OPA1: variants seen among roughly 807,000 people sequenced by gnomAD.
OPA1 encodes the protein dynamin-like GTPase OPA1, mitochondrial.
Under a neutral mutation model 152.9 loss-of-function variants are expected in OPA1, and 59 were observed. That is an observed-to-expected ratio of 0.39 (90% confidence interval 0.31 to 0.48). The LOEUF (loss-of-function observed/expected upper bound fraction) is 0.48, where lower values mean the gene tolerates loss of function less well. OPA1 is among the 20% of genes least tolerant of loss of function. The pLI is 0.96. For missense variants in OPA1, 1,008 were observed against 1,216.8 expected, an observed-to-expected ratio of 0.83 and a Z score of 2.55; for synonymous variants, 400 against 389.9, an observed-to-expected ratio of 1.03 and a Z score of -0.31.
intron 29 of OPA1, among the ~76,000 whole-genome samples, chr3:193,677,080 G>T (rs1341898938): frequency 6.6e-6 from 1 of 150,784 alleles, no homozygotes; most frequent in African/African-American, 2.4e-5. Context: ...TATACATGCT[G>T]CTGGTAATCA....
intron 29 of OPA1, among the ~76,000 whole-genome samples, chr3:193,684,194 T>C (rs1473611956): frequency 6.6e-6 from 1 of 152,178 alleles, no homozygotes; most frequent in Admixed American, 6.5e-5. Flanking sequence ...TTTATTGTAA[T>C]GTTTCTCATG....
intron 1 of OPA1, among the ~76,000 whole-genome samples, chr3:193,597,870 A>T (rs1488767780): frequency 6.6e-6 from 1 of 152,090 alleles, no homozygotes; most frequent in East Asian, 1.9e-4. Context: ...TGAGCTCAGG[A>T]GTTTGAGACC....
In OPA1 at chr3:193,688,449, C is replaced by CTTTTTTTTTTTTTTTTTT. The variant is rs766448341; in HGVS notation, c.2984-3584_2984-3567dup. 2.1e-4 allele frequency among the ~76,000 whole-genome samples: 13 copies of CTTTTTTTTTTTTTTTTTT among 63,352 alleles called. 4 individuals carry two copies. The highest frequency in any genetic ancestry group is 1.2e-3 in the South Asian group (2 of 1,728). 41.6% of individuals were successfully genotyped at this position (63,352 alleles called of 152,430 possible). A position where few individuals can be genotyped will look rare whatever the true frequency, so the allele number is the denominator to read the frequency against. On this transcript the variant is annotated intron_variant, in intron 29 of 30. Transcript: ENST00000361510. ...TGATTTTTACTGAAATGGGTCTTTT[C>CTTTTTTTTTTTTTTTTTT]TTTTTTTTTTTTTTTTTTTTTTTTT...
chr3:193,673,497 C>T (rs1718362256), intron 29 of OPA1, among the ~76,000 whole-genome samples: 1 of 152,174 alleles, frequency 6.6e-6, no homozygotes, highest in African/African-American at 2.4e-5. Context: ...TATCCTTTAT[C>T]AGATTCCACC....
intron 19 of OPA1, 129 bp downstream of exon 19, chr3:193,647,309 A>G: frequency 2.9e-6 from 2 of 681,102 alleles, no homozygotes; most frequent in East Asian, 2.7e-5. Context: ...ATTAGACAGT[A>G]TCTGGAAAAT....
At position 193,635,416 on chromosome 3, in the gene OPA1, A is replaced by T. The variant is rs1297705484; in HGVS notation, c.844-2A>T. 1 of 1,538,308 alleles carries T rather than the reference A, an allele frequency of 6.5e-7. No individual in the cohort carries two copies. The highest frequency in any genetic ancestry group is 1.1e-5 in the South Asian group (1 of 89,350). On this transcript the variant is annotated splice_acceptor_variant, in intron 8 of 30. Coordinates refer to ENST00000361510, the MANE Select transcript of OPA1 (RefSeq NM_130837.3). LOFTEE classifies it high-confidence loss of function. ...ATAGTTACACTTATTATTTTATTGC[A>T]GTTGAAGTATCAGAGAATCTTGGAA... is the stretch of plus-strand genomic sequence containing the variant.
At chr3:193,673,419 G>T (rs894736685) in intron 29 of OPA1, among the ~76,000 whole-genome samples, 2 of 152,292 alleles carry the variant, frequency 1.3e-5, no homozygotes, top group Admixed American at 6.5e-5. Flanking sequence ...AGTACAGTGT[G>T]CATGAAACCA....
At chr3:193,609,585 G>A (rs1200439279) in intron 1 of OPA1, among the ~76,000 whole-genome samples, 1 of 152,178 alleles carries the variant, frequency 6.6e-6, no homozygotes, top group African/African-American at 2.4e-5. Flanking sequence ...ATGTTGGCCT[G>A]CCTTGCTAGA....
chr3:193,594,874 C>T (rs1043324910), intron 1 of OPA1, among the ~76,000 whole-genome samples: 9 of 152,128 alleles, frequency 5.9e-5, no homozygotes, highest in Non-Finnish European at 1.2e-4. Flanking sequence ...ATTTCTACTT[C>T]TCAATATTTA....
intron 6 of OPA1, among the ~76,000 whole-genome samples, chr3:193,621,516 A>G (rs1730074327): frequency 6.6e-6 from 1 of 152,208 alleles, no homozygotes; most frequent in Non-Finnish European, 1.5e-5. Context: ...GAATTAATCA[A>G]GTTTCTTTGG....
chr3:193,618,797 A>T, intron 5 of OPA1, 72 bp from the exon 6 acceptor site: 1 of 1,181,992 alleles, frequency 8.5e-7, no homozygotes, highest in South Asian at 1.2e-5. Flanking sequence ...CATTGACTCG[A>T]TGTAATTTGA....
chr3:193,606,486 A>C (rs13097120), intron 1 of OPA1, among the ~76,000 whole-genome samples: 65,219 of 146,216 alleles, frequency 0.45, 14,432 homozygotes, highest in African/African-American at 0.45. Flanking sequence ...CTCACTGTTC[A>C]GTTCCCACCT....
chr3:193,652,313 C>T (rs1221332287), intron 21 of OPA1, among the ~76,000 whole-genome samples: 2 of 151,308 alleles, frequency 1.3e-5, no homozygotes, highest in African/African-American at 2.4e-5. Context: ...ACCCAGGAAG[C>T]GGAGGTTGCT....
chr3:193,617,246 G>A lies in OPA1; in HGVS notation c.517G>A (p.Val173Ile), dbSNP rs778997114. The change falls in exon 4 of 31, where the codon GTT (valine) becomes ATT (isoleucine). Residue 173 changes from valine to isoleucine, a missense_variant. Coordinates refer to ENST00000361510, the MANE Select transcript of OPA1 (RefSeq NM_130837.3). ...GTTAGCACCAGACTTTGACAAGATT[G>A]TTGAAAGCCTTAGCTTATTGAAGGA... Reference protein sequence around the residue: ...VKLAPDFDKIVESLSLLKDFF... With the variant: ...VKLAPDFDKIIESLSLLKDFF... 6.5e-5 allele frequency: 105 copies of A among 1,613,050 alleles called. 2 individuals are homozygous for A. The South Asian group carries it at 1.1e-3, about 16-fold the overall frequency.
In OPA1 at chr3:193,671,883, C is replaced by T. The variant is rs74984580; in HGVS notation, c.2983+4603C>T. Among the ~76,000 whole-genome samples the T allele has an allele frequency of 3.1e-3, 468 of 152,274 alleles. 3 individuals carry two copies. Among genetic ancestry groups the T allele is most frequent in the South Asian group, 0.017 (82 of 4,826 alleles). On this transcript the variant is annotated intron_variant, in intron 29 of 30. Transcript: ENST00000361510. ...TGAAGACGTTGAAACACTGAGTTAC[C>T]TCATGGATAATTTAATAGGATATGC...
rs1406476093 is a variant in OPA1 at position 193,696,613 on chromosome 3, T to A, written c.*2013T>A. The A allele has an allele frequency of 6.6e-6, 1 of 152,196 alleles. No homozygotes were observed. Among genetic ancestry groups the A allele is most frequent in the Non-Finnish European group, 1.5e-5 (1 of 68,034 alleles). 9.4% of individuals were successfully genotyped at this position (152,196 alleles called of 1,614,324 possible). A position where few individuals can be genotyped will look rare whatever the true frequency, so the allele number is the denominator to read the frequency against. On this transcript the variant is annotated 3_prime_UTR_variant, in exon 31 of 31. Transcript: ENST00000361510. ...CAGATGTTATTGAAAGAAAATAAAA[T>A]TCAGTCTCAAGAGTAAACCCTGTGT... is the stretch of plus-strand genomic sequence containing the variant.
intron 5 of OPA1, among the ~76,000 whole-genome samples, chr3:193,618,044 A>G (rs1369552317): frequency 2.6e-5 from 4 of 152,214 alleles, no homozygotes; most frequent in Admixed American, 2.6e-4. Flanking sequence ...TTAAATATGT[A>G]TGTGTATTAT....
chr3:193,635,380 C>G, intron 8 of OPA1, 38 bp from the exon 9 acceptor site: 1 of 1,258,898 alleles, frequency 7.9e-7, no homozygotes, highest in Non-Finnish European at 1.2e-6. Flanking sequence ...GATAACCCAT[C>G]TTTTGCTTAT....
intron 30 of OPA1, among the ~76,000 whole-genome samples, chr3:193,692,557 T>A (rs1721831252): frequency 6.6e-6 from 1 of 152,220 alleles, no homozygotes; most frequent in Admixed American, 6.5e-5. Flanking sequence ...TTGTTCTTAA[T>A]CCTTATCTCT....
Sources: allele counts gnomAD v4.1 joint callset (sites outside exome capture counted in the v4.1 genomes callset), GRCh38; gene constraint gnomAD v4.1.1; transcripts MANE v1.5; gene names NCBI Gene and HGNC (gene_info 2026-07-23, HGNC 2026-07-21).